DAPK1: variants seen among roughly 807,000 people sequenced by gnomAD.
DAPK1 encodes death-associated protein kinase 1.
A neutral mutation model predicts 144.9 loss-of-function variants in DAPK1; 56 were observed. That is an observed-to-expected ratio of 0.39 (90% CI 0.31 to 0.48). DAPK1 has a LOEUF of 0.48. Ranked by LOEUF, DAPK1 falls within the 20% of genes least tolerant of loss-of-function variation. The pLI is 0.95. For synonymous variants in DAPK1, 690 were observed against 749.0 expected, an observed-to-expected ratio of 0.92 and a Z score of 1.29; for missense variants, 1,454 against 1,875.4, an observed-to-expected ratio of 0.78 and a Z score of 4.15.
chr9:87,653,352 A>G (rs147798672), intron 17 of DAPK1, among the ~76,000 whole-genome samples: 7 of 152,386 alleles, frequency 4.6e-5, no homozygotes, highest in African/African-American at 1.7e-4. Context: ...AGTGAATATT[A>G]CTTATATGGA....
intron 3 of DAPK1, among the ~76,000 whole-genome samples, chr9:87,612,411 C>T (rs1384953475): frequency 2.0e-5 from 3 of 152,132 alleles, no homozygotes; most frequent in Non-Finnish European, 4.4e-5. Flanking sequence ...ATCTATACGC[C>T]AAGGAACCTG....
chr9:87,595,730 T>C (rs1828291817), intron 2 of DAPK1, among the ~76,000 whole-genome samples: 1 of 152,214 alleles, frequency 6.6e-6, no homozygotes, highest in Non-Finnish European at 1.5e-5. Context: ...CGACCTCTCC[T>C]CTGCTCTCCT....
In DAPK1 at chr9:87,668,973, G is replaced by A. The variant is rs191008531; in HGVS notation, c.2001+299G>A. On this transcript the variant is annotated intron_variant, in intron 19 of 25. Transcript: ENST00000408954. ...CCACAAAGTAGCGGGGGATGAGGAC[G>A]CTGACTCTGCCTCTTTCCTTCTTAT... The A allele has an allele frequency of 7.2e-4, 201 of 279,768 alleles. 1 individual carries two copies. The highest frequency in any genetic ancestry group is 4.1e-3 in the African/African-American group (189 of 45,588). The allele number at this position is 279,768 out of a possible 1,614,324, so 17.3% of individuals were successfully genotyped here. A position where few individuals can be genotyped will look rare whatever the true frequency, so the allele number is the denominator to read the frequency against.
chr9:87,527,510 A>G (rs1014846159), intron 2 of DAPK1, among the ~76,000 whole-genome samples: 1 of 152,244 alleles, frequency 6.6e-6, no homozygotes, highest in Admixed American at 6.5e-5. Context: ...TGGCTCCAGC[A>G]GAGCACAAAA....
At chr9:87,683,154 C>T (rs1424234745) in intron 20 of DAPK1, among the ~76,000 whole-genome samples, 1 of 149,028 alleles carries the variant, frequency 6.7e-6, no homozygotes, top group Non-Finnish European at 1.5e-5. Context: ...GTGATCTCGG[C>T]TCACTGCAAC....
At chr9:87,566,897 G>A (rs969075102) in intron 2 of DAPK1, among the ~76,000 whole-genome samples, 1 of 152,162 alleles carries the variant, frequency 6.6e-6, no homozygotes, top group African/African-American at 2.4e-5. Context: ...GGGGGTTTTG[G>A]CAGGTCCCTC....
At chr9:87,524,950 C>T (rs77962276) in intron 2 of DAPK1, among the ~76,000 whole-genome samples, 16,641 of 152,120 alleles carry the variant, frequency 0.11, 1,188 homozygotes, top group Admixed American at 0.16. Context: ...GTTTACTGCT[C>T]GGGTGATGGA....
intron 3 of DAPK1, among the ~76,000 whole-genome samples, chr9:87,631,082 C>G (rs1829670840): frequency 6.6e-6 from 1 of 152,100 alleles, no homozygotes; most frequent in African/African-American, 2.4e-5. Context: ...GCTTTGTGAC[C>G]TAGGAGCCAG....
intron 14 of DAPK1, among the ~76,000 whole-genome samples, chr9:87,647,678 A>T (rs1830317918): frequency 6.6e-6 from 1 of 152,208 alleles, no homozygotes; most frequent in Non-Finnish European, 1.5e-5. Flanking sequence ...TAGTACAGAC[A>T]ACCAGAGAGA....
Position 87,697,025 on chromosome 9 carries a change from T to C in DAPK1, c.2432T>C (p.Val811Ala). The C allele has an allele frequency of 1.9e-6, 3 of 1,581,278 alleles. No homozygotes were observed. The highest frequency in any genetic ancestry group is 2.6e-6 in the Non-Finnish European group (3 of 1,149,852). Reference protein sequence around the residue: ...AYLNGVGDFSVWEFSGNPVYF... With the variant: ...AYLNGVGDFSAWEFSGNPVYF... ...TCTGTAGGAGTTGGCGATTTCAGCG[T>C]GTGGGAGTTCTCTGGAAATCCTGTG... is the stretch of plus-strand genomic sequence containing the variant. The change falls in exon 22 of 26, where the codon GTG becomes GCG. Residue 811 changes from valine to alanine, a missense_variant. Val to Ala is a moderately conservative substitution (Grantham distance 64, BLOSUM62 0). Around this residue, in one of 2 missense-constraint regions of DAPK1, gnomAD observed 1,025 missense variants for 1,237.9 expected, o/e 0.83. Coordinates refer to ENST00000408954, the MANE Select transcript of DAPK1 (RefSeq NM_004938.4).
Position 87,658,037 on chromosome 9 carries a change from A to T in DAPK1, c.1833A>T (p.Arg611=). The change falls in exon 18 of 26, where the codon CGA becomes CGT. Residue 611 remains arginine, a synonymous_variant. Coordinates refer to ENST00000408954, the MANE Select transcript of DAPK1 (RefSeq NM_004938.4). ...TTTTTCTCTCTTCCCAGTATGGGCG[A>T]ACGCCTCTGCACCTTGCGGCCAACA... ...CNLDISNKYG[R]TPLHLAANNG... 1 of 1,382,866 alleles carries T rather than the reference A, an allele frequency of 7.2e-7. No homozygotes were observed. The highest frequency in any genetic ancestry group is 1.0e-6 in the Non-Finnish European group (1 of 970,438). The allele number at this position is 1,382,866 out of a possible 1,614,324, so 85.7% of individuals were successfully genotyped here. A position where few individuals can be genotyped will look rare whatever the true frequency, so the allele number is the denominator to read the frequency against.
Position 87,498,954 on chromosome 9 carries a change from T to G in DAPK1, c.-108-16T>G. 1.4e-6 allele frequency: 1 copy of G among 713,606 alleles called. No individual in the cohort carries two copies. The highest frequency in any genetic ancestry group is 2.6e-5 in the East Asian group (1 of 38,488). The allele number at this position is 713,606 out of a possible 1,614,324, so 44.2% of individuals were successfully genotyped here. ...CCATTTTACTATTATTATTGCCTTT[T>G]TTTTTTCTTCAAAAGGACTGGAGAC... On this transcript the variant is annotated splice_polypyrimidine_tract_variant and intron_variant, in intron 1 of 25. Transcript: ENST00000408954.
chr9:87,497,987 C>T lies in DAPK1; in HGVS notation c.-229C>T, dbSNP rs1013526573. The stretch of plus-strand genomic sequence containing the variant: ...GGGGCCGGCGCCTGGGAGGGATCTG[C>T]GCCCCCCACTCACTCCCTAGCTGTG... On this transcript the variant is annotated 5_prime_UTR_variant, in exon 1 of 26. Transcript: ENST00000408954. The T allele has an allele frequency of 2.5e-6, 1 of 397,278 alleles. No individual in the cohort carries two copies. The highest frequency in any genetic ancestry group is 4.4e-6 in the Non-Finnish European group (1 of 225,508). 24.6% of individuals were successfully genotyped at this position (397,278 alleles called of 1,614,324 possible). A position where few individuals can be genotyped will look rare whatever the true frequency, so the allele number is the denominator to read the frequency against.
At chr9:87,675,888 CACACACA>C (rs1359427355) in intron 19 of DAPK1, among the ~76,000 whole-genome samples, 122 of 151,612 alleles carry the variant, frequency 8.0e-4, no homozygotes, top group African/African-American at 2.8e-3. Flanking sequence ...CACACACACA[CACACACA>C]CCCTTATGAC....
chr9:87,638,368 C>CTTGGTTTTTTAGTAAGGGGACAT (rs3841529), intron 4 of DAPK1, among the ~76,000 whole-genome samples: 1 of 151,930 alleles, frequency 6.6e-6, no homozygotes, highest in South Asian at 2.1e-4. Context: ...GGGGGCTGCT[C>CTTGGTTTTTTAGTAAGGGGACAT]TAGCCAGCAG....
At position 87,707,474 on chromosome 9, in the gene DAPK1, C is replaced by G. The variant is rs1034495092; in HGVS notation, c.*110C>G. 3.9e-5 allele frequency: 28 copies of G among 710,108 alleles called. No homozygotes were observed. The highest frequency in any genetic ancestry group is 6.0e-5 in the Non-Finnish European group (26 of 429,878). 44.0% of individuals were successfully genotyped at this position (710,108 alleles called of 1,614,324 possible). A position where few individuals can be genotyped will look rare whatever the true frequency, so the allele number is the denominator to read the frequency against. Reference sequence around the variant, plus strand: ...AGGGTGTTTCTTCCTGCACCCACAGCCAGGGGGATGCCACTCCTCCCTCCG... The same window carrying G: ...AGGGTGTTTCTTCCTGCACCCACAGGCAGGGGGATGCCACTCCTCCCTCCG... On this transcript the variant is annotated 3_prime_UTR_variant, in exon 26 of 26. Transcript: ENST00000408954. The surrounding 1 kb of genome is among the most constrained non-coding windows in gnomAD (Gnocchi z 4.0).
Position 87,707,936 on chromosome 9 carries a change from G to A in DAPK1, c.*572G>A, listed in dbSNP as rs1825699541. The A allele has an allele frequency of 2.2e-6, 1 of 452,830 alleles. No individual in the cohort carries two copies. Among genetic ancestry groups the A allele is most frequent in the Non-Finnish European group, 4.4e-6 (1 of 225,534 alleles). The allele number at this position is 452,830 out of a possible 1,614,324, so 28.1% of individuals were successfully genotyped here. ...GGTGTGTTTGAAATCATCGGAGTCA[G>A]CCAGGAGCTGTCACCAAGGAAACGC... On this transcript the variant is annotated 3_prime_UTR_variant, in exon 26 of 26. Coordinates refer to ENST00000408954, the MANE Select transcript of DAPK1 (RefSeq NM_004938.4). The surrounding 1 kb of genome is among the most constrained non-coding windows in gnomAD (Gnocchi z 4.0).
At position 87,499,056 on chromosome 9, in the gene DAPK1, T is replaced by C. The variant is rs1318457820; in HGVS notation, c.-22T>C. On this transcript the variant is annotated 5_prime_UTR_variant, in exon 2 of 26. Coordinates refer to ENST00000408954, the MANE Select transcript of DAPK1 (RefSeq NM_004938.4). ...AGCGGAGCTGAAGTGCCCTGGGCTT[T>C]GGTGAGGCGTGACAGTTTATCATGA... The C allele has an allele frequency of 1.2e-6, 2 of 1,613,308 alleles. No homozygotes were observed. The highest frequency in any genetic ancestry group is 1.7e-6 in the Non-Finnish European group (2 of 1,179,356).
intron 2 of DAPK1, among the ~76,000 whole-genome samples, chr9:87,548,979 T>C (rs1826371521): frequency 6.9e-6 from 1 of 144,756 alleles, no homozygotes; most frequent in African/African-American, 2.5e-5. Context: ...ATTTGCAGGA[T>C]GTACAGGTTT....
Sources: gnomAD v4.1 joint callset for allele counts (sites outside exome capture counted in the v4.1 genomes callset) on GRCh38, gnomAD v4.1.1 for gene constraint, gnomAD v4.1.1 regional missense constraint, Gnocchi (gnomAD v3.1) non-coding constraint, MANE v1.5 for transcripts, NCBI Gene and HGNC (gene_info 2026-07-23, HGNC 2026-07-21) for gene names.